CDH18: variants seen among roughly 807,000 people sequenced by gnomAD.
CDH18 encodes the protein cadherin-18.
In CDH18, 31 loss-of-function variants were observed where a neutral mutation model predicts 67.9. The observed-to-expected ratio is 0.46, with a 90% confidence interval of 0.34 to 0.62. The LOEUF (loss-of-function observed/expected upper bound fraction) is 0.62. Among genes scored for constraint, CDH18 ranks in the 20% least tolerant of loss-of-function variants. CDH18 has a pLI of 0.01. For missense variants in CDH18, 890 were observed against 975.5 expected (o/e 0.91, Z 1.17); for synonymous variants, 362 against 347.2 (o/e 1.04, Z -0.48).
At chr5:20,366,419 T>C (rs978367382) in intron 1 of CDH18, among the ~76,000 whole-genome samples, 1 of 152,204 alleles carries the variant, frequency 6.6e-6, no homozygotes, top group African/African-American at 2.4e-5. Context: ...ACATTAACTA[T>C]TGCGATAACT....
intron 2 of CDH18, among the ~76,000 whole-genome samples, chr5:20,007,702 T>TGC (rs1209215942): frequency 6.6e-6 from 1 of 150,924 alleles, no homozygotes; most frequent in Non-Finnish European, 1.5e-5. Flanking sequence ...TGTGTGTGTG[T>TGC]GTGTGTGTGT....
At chr5:20,179,646 G>A (rs1447000782) in intron 2 of CDH18, among the ~76,000 whole-genome samples, 2 of 152,146 alleles carry the variant, frequency 1.3e-5, no homozygotes, top group African/African-American at 2.4e-5. Context: ...CAAGACATGG[G>A]ACTGGTAAGG....
chr5:20,124,965 T>A (rs781777578), intron 2 of CDH18, among the ~76,000 whole-genome samples: 2 of 152,144 alleles, frequency 1.3e-5, no homozygotes, highest in African/African-American at 4.8e-5. Flanking sequence ...TCAGTGTTCA[T>A]ATGTATGAGG....
intron 2 of CDH18, among the ~76,000 whole-genome samples, chr5:20,243,963 A>T (rs2126563158): frequency 6.6e-6 from 1 of 152,244 alleles, no homozygotes; most frequent in Middle Eastern, 3.4e-3. Flanking sequence ...ATGCAGACAG[A>T]TCTGTATGCT....
chr5:20,522,107 G>A (rs1561091522), intron 1 of CDH18, among the ~76,000 whole-genome samples: 2 of 151,946 alleles, frequency 1.3e-5, no homozygotes, highest in East Asian at 1.9e-4. Flanking sequence ...AGAGAAAGAC[G>A]TCAGAAACAA....
intron 2 of CDH18, among the ~76,000 whole-genome samples, chr5:19,874,898 G>T (rs1561487576): frequency 6.6e-6 from 1 of 152,104 alleles, no homozygotes; most frequent in Non-Finnish European, 1.5e-5. Flanking sequence ...AGGTAGCGGG[G>T]AGCATATTCT....
rs994777043 is a variant in CDH18 at position 20,305,366 on chromosome 5, C to T, written c.-579-49861G>A. ...CTATTCTTCAAGACTTCCTCACTGG[C>T]CACAGAGAATGTTCCCACCTCTTCA... is the stretch of plus-strand genomic sequence containing the variant. On this transcript the variant is annotated intron_variant, in intron 1 of 14. Transcript: ENST00000507958. The T allele has an allele frequency of 2.6e-6, 4 of 1,565,750 alleles. No individual in the cohort carries two copies. In the African/African-American group the frequency reaches 4.1e-5, roughly 16 times the overall value.
At chr5:19,502,637 C>G in intron 11 of CDH18, 1 of 454,594 alleles carries the variant, frequency 2.2e-6, no homozygotes, top group Non-Finnish European at 3.9e-6. Context: ...TAGTAACTGT[C>G]TCTAGGATAT....
In CDH18 at chr5:20,447,360, A is replaced by C. The variant is rs141409679; in HGVS notation, c.-580+128102T>G. On this transcript the variant is annotated intron_variant, in intron 1 of 14. Transcript: ENST00000507958. ...GGCCATGAGGACTTCTCCCTCATGA[A>C]TGGGATGAAAATCCTGATAAAAAAA... is the stretch of plus-strand genomic sequence containing the variant. 1.9e-3 allele frequency among the ~76,000 whole-genome samples: 287 copies of C among 152,046 alleles called. 10 individuals are homozygous for C. The East Asian group carries it at 0.047, about 25-fold the overall frequency.
intron 1 of CDH18, among the ~76,000 whole-genome samples, chr5:20,516,382 C>A (rs964668061): frequency 2.6e-5 from 4 of 151,806 alleles, no homozygotes; most frequent in African/African-American, 9.7e-5. Context: ...TAAAATTCAA[C>A]CGTTAATCAA....
intron 2 of CDH18, among the ~76,000 whole-genome samples, chr5:19,941,682 A>G (rs977311638): frequency 4.6e-5 from 7 of 151,914 alleles, no homozygotes; most frequent in African/African-American, 1.7e-4. Context: ...AGCTACTTGG[A>G]AAGCTGAGGC....
intron 1 of CDH18, among the ~76,000 whole-genome samples, chr5:20,541,157 A>T (rs1757028468): frequency 6.6e-6 from 1 of 152,208 alleles, no homozygotes; most frequent in South Asian, 2.1e-4. Flanking sequence ...TATAAAATTT[A>T]TGGGGAAGAT....
intron 11 of CDH18, among the ~76,000 whole-genome samples, chr5:19,500,605 A>G (rs1447581720): frequency 2.6e-5 from 4 of 152,200 alleles, no homozygotes; most frequent in African/African-American, 9.6e-5. Context: ...AAAAATTGTA[A>G]AAATATTCTA....
chr5:19,754,259 A>G (rs899982259), intron 3 of CDH18, among the ~76,000 whole-genome samples: 13 of 152,202 alleles, frequency 8.5e-5, no homozygotes, highest in African/African-American at 3.1e-4. Context: ...TGTTGCCTTC[A>G]AGAGACTCAC....
chr5:19,701,730 C>G (rs1225676719), intron 5 of CDH18, among the ~76,000 whole-genome samples: 2 of 152,054 alleles, frequency 1.3e-5, no homozygotes, highest in African/African-American at 2.4e-5. Flanking sequence ...TTCTTCTCAG[C>G]TCTCCTTTCT....
intron 3 of CDH18, among the ~76,000 whole-genome samples, chr5:19,773,772 G>A (rs1773984354): frequency 6.6e-6 from 1 of 152,162 alleles, no homozygotes; most frequent in Non-Finnish European, 1.5e-5. Flanking sequence ...TTCAGTGGAT[G>A]TGTGCAGTTG....
chr5:20,422,258 T>C (rs1747925748), intron 1 of CDH18, among the ~76,000 whole-genome samples: 1 of 151,128 alleles, frequency 6.6e-6, no homozygotes, highest in Non-Finnish European at 1.5e-5. Flanking sequence ...TGGGTTATCA[T>C]GTCTAAATAT....
At chr5:20,551,962 A>G (rs1234960654) in intron 1 of CDH18, among the ~76,000 whole-genome samples, 26 of 152,048 alleles carry the variant, frequency 1.7e-4, no homozygotes, top group Admixed American at 1.7e-3. Context: ...GAGATGATCA[A>G]TAATTTGTTA....
At chr5:20,178,710 C>T (rs753404621) in intron 2 of CDH18, among the ~76,000 whole-genome samples, 7 of 151,754 alleles carry the variant, frequency 4.6e-5, no homozygotes, top group Non-Finnish European at 1.0e-4. Flanking sequence ...TAATACCTTC[C>T]CCTACGTTGT....
Sources: gnomAD v4.1 joint callset for allele counts (sites outside exome capture counted in the v4.1 genomes callset) on GRCh38, gnomAD v4.1.1 for gene constraint, MANE v1.5 for transcripts, NCBI Gene and HGNC (gene_info 2026-07-23, HGNC 2026-07-21) for gene names.